EBF1: variants seen among roughly 807,000 people sequenced by gnomAD.
EBF1 encodes transcription factor COE1.
Under a neutral mutation model 68.4 loss-of-function variants are expected in EBF1, and 10 were observed. That is an observed-to-expected ratio of 0.15 (90% CI 0.09 to 0.25). EBF1 has a LOEUF of 0.25. Among genes scored for constraint, EBF1 ranks in the 10% least tolerant of loss-of-function variants. The pLI is 1.00. For synonymous variants in EBF1, 298 were observed against 299.8 expected (o/e 0.99, Z 0.06); for missense variants, 509 against 794.4 (o/e 0.64, Z 4.32).
intron 10 of EBF1, among the ~76,000 whole-genome samples, chr5:158,732,044 T>C (rs1464878086): frequency 1.3e-5 from 2 of 152,168 alleles, no homozygotes; most frequent in Non-Finnish European, 2.9e-5. Flanking sequence ...ACAGCGGAGA[T>C]GGAAAACACG....
At chr5:158,849,285 A>G (rs1355850678) in intron 6 of EBF1, among the ~76,000 whole-genome samples, 1 of 152,120 alleles carries the variant, frequency 6.6e-6, no homozygotes, top group Non-Finnish European at 1.5e-5. Flanking sequence ...CCTACTCTTC[A>G]CTTTTCAGCA....
At chr5:159,035,112 G>A (rs1036025031) in intron 6 of EBF1, among the ~76,000 whole-genome samples, 8 of 151,834 alleles carry the variant, frequency 5.3e-5, no homozygotes, top group Admixed American at 2.0e-4. Flanking sequence ...AGAAACAGGG[G>A]GAAAGAAAGA....
chr5:159,069,291 T>C (rs1033916622), intron 6 of EBF1, among the ~76,000 whole-genome samples: 3 of 151,966 alleles, frequency 2.0e-5, no homozygotes, highest in Non-Finnish European at 2.9e-5. Context: ...CCTTACTTAA[T>C]GGTTCATTTC....
intron 6 of EBF1, among the ~76,000 whole-genome samples, chr5:158,921,863 T>A (rs1808511200): frequency 6.6e-6 from 1 of 152,218 alleles, no homozygotes; most frequent in South Asian, 2.1e-4. Flanking sequence ...ACAAACATAT[T>A]GCAAAGCACG....
intron 10 of EBF1, among the ~76,000 whole-genome samples, chr5:158,749,691 C>T (rs555010343): frequency 3.3e-5 from 5 of 152,078 alleles, no homozygotes; most frequent in Admixed American, 6.6e-5. Flanking sequence ...TTTTGTATTA[C>T]ACGAGGGAGG....
chr5:158,961,367 G>A (rs1818155566), intron 6 of EBF1, among the ~76,000 whole-genome samples: 1 of 152,102 alleles, frequency 6.6e-6, no homozygotes, highest in South Asian at 2.1e-4. Context: ...ACACAAGGTG[G>A]CTCATTGCTG....
At chr5:158,736,743 C>G (rs185812919) in intron 10 of EBF1, among the ~76,000 whole-genome samples, 3 of 152,268 alleles carry the variant, frequency 2.0e-5, no homozygotes, top group Admixed American at 6.5e-5. Flanking sequence ...TTAGGCAGAG[C>G]CTTTTTGTTC....
intron 6 of EBF1, among the ~76,000 whole-genome samples, chr5:158,919,588 T>C (rs999267790): frequency 2.0e-5 from 3 of 152,194 alleles, no homozygotes; most frequent in Non-Finnish European, 1.5e-5. Flanking sequence ...CTCATTTTTT[T>C]GAATAAATAA....
chr5:158,920,012 C>A (rs80066419), intron 6 of EBF1, among the ~76,000 whole-genome samples: 9,297 of 152,168 alleles, frequency 0.061, 322 homozygotes, highest in Non-Finnish European at 0.071. Context: ...AAATTCCCCA[C>A]AATAAAAATA....
chr5:158,718,067 T>C (rs189214855), intron 11 of EBF1, among the ~76,000 whole-genome samples: 4 of 152,326 alleles, frequency 2.6e-5, no homozygotes, highest in East Asian at 3.9e-4. Flanking sequence ...AGCTTTATAA[T>C]AAAAATGCTG....
At chr5:158,913,410 C>T (rs1228779902) in intron 6 of EBF1, among the ~76,000 whole-genome samples, 2 of 152,144 alleles carry the variant, frequency 1.3e-5, no homozygotes, top group East Asian at 1.9e-4. Context: ...ACTTAACACA[C>T]GTCAGTGGGC....
intron 6 of EBF1, among the ~76,000 whole-genome samples, chr5:159,041,304 T>C (rs1771156503): frequency 6.6e-6 from 1 of 152,210 alleles, no homozygotes; most frequent in African/African-American, 2.4e-5. Flanking sequence ...CATACCTACC[T>C]GAACACAGGG....
At chr5:159,059,871 C>A (rs1322169159) in intron 6 of EBF1, among the ~76,000 whole-genome samples, 1 of 152,170 alleles carries the variant, frequency 6.6e-6, no homozygotes, top group Non-Finnish European at 1.5e-5. Flanking sequence ...AATAAAACAT[C>A]CCTCTCCACA....
intron 10 of EBF1, among the ~76,000 whole-genome samples, chr5:158,752,736 C>T (rs1769200709): frequency 6.6e-6 from 1 of 151,228 alleles, no homozygotes; most frequent in African/African-American, 2.4e-5. Context: ...GAGATCTTGG[C>T]TCCAATGCAG....
intron 10 of EBF1, among the ~76,000 whole-genome samples, chr5:158,755,086 TG>T (rs1256230738): frequency 6.6e-6 from 1 of 152,106 alleles, no homozygotes; most frequent in Non-Finnish European, 1.5e-5. Context: ...GAACATATTA[TG>T]GCTGAGAAGT....
chr5:158,979,381 T>G (rs928584608), intron 6 of EBF1, among the ~76,000 whole-genome samples: 1 of 152,220 alleles, frequency 6.6e-6, no homozygotes, highest in Non-Finnish European at 1.5e-5. Flanking sequence ...GGTTTCTTTA[T>G]GGCTGTAAAC....
At chr5:158,756,114 G>A (rs1770025692) in intron 10 of EBF1, among the ~76,000 whole-genome samples, 1 of 152,104 alleles carries the variant, frequency 6.6e-6, no homozygotes, top group Admixed American at 6.6e-5. Context: ...GGCTGTTGAG[G>A]TGAGTTCTAC....
intron 9 of EBF1, among the ~76,000 whole-genome samples, chr5:158,781,374 C>G (rs533828243): frequency 6.6e-6 from 1 of 150,670 alleles, no homozygotes; most frequent in African/African-American, 2.4e-5. Flanking sequence ...CTTTTTTTTT[C>G]TCTATTTGCC....
intron 6 of EBF1, among the ~76,000 whole-genome samples, chr5:158,947,714 A>G (rs1052708949): frequency 2.2e-4 from 33 of 152,232 alleles, no homozygotes; most frequent in African/African-American, 7.7e-4. Context: ...ATTCAGGAGG[A>G]ACACAGAGGG....
Sources: allele counts gnomAD v4.1 joint callset (sites outside exome capture counted in the v4.1 genomes callset), GRCh38; gene constraint gnomAD v4.1.1; transcripts MANE v1.5; gene names NCBI Gene and HGNC (gene_info 2026-07-23, HGNC 2026-07-21).